The following LPIN1 variants were observed in gnomAD, a reference collection of about 807,000 sequenced individuals.
LPIN1 encodes phosphatidate phosphatase LPIN1.
LPIN1 carries 71 observed loss-of-function variants against 107.5 expected under a neutral mutation model. The observed-to-expected ratio is 0.66, with a 90% confidence interval of 0.55 to 0.80. The LOEUF is 0.80. Among genes scored for constraint, LPIN1 ranks in the 30% least tolerant of loss-of-function variants. LPIN1 has a pLI of 0.00. For missense variants in LPIN1, 1,043 were observed against 1,160.6 expected, an observed-to-expected ratio of 0.90 and a Z score of 1.47; for synonymous variants, 445 against 452.6, an observed-to-expected ratio of 0.98 and a Z score of 0.21.
rs931029815 is a variant in LPIN1, at chr2:11,697,648, C to T, written c.82-16108C>T. On this transcript the variant is annotated intron_variant, in intron 1 of 21. Transcript: ENST00000449576. The surrounding 1 kb of genome is among the most constrained non-coding windows in gnomAD (Gnocchi z 4.6). ...CAGGGAAAGGACGCCCATTCATTGG[C>T]AGGGTGAGTGGAGAAGTGCTTGGTG... Among the ~76,000 whole-genome samples, 1 of 152,220 alleles carries T rather than the reference C, an allele frequency of 6.6e-6. No individual in the cohort carries two copies. Among genetic ancestry groups the T allele is most frequent in the Admixed American group, 6.5e-5 (1 of 15,284 alleles).
chr2:11,754,527 TGA>T (rs1668367873), intron 1 of LPIN1, among the ~76,000 whole-genome samples: 1 of 152,246 alleles, frequency 6.6e-6, no homozygotes. Flanking sequence ...CTTTACCTTC[TGA>T]GAGGCTCTGT....
At chr2:11,718,229 GAT>G (rs925518497) in intron 2 of LPIN1, among the ~76,000 whole-genome samples, 1 of 151,010 alleles carries the variant, frequency 6.6e-6, no homozygotes, top group Non-Finnish European at 1.5e-5. Flanking sequence ...AGGGGGTCAG[GAT>G]ATATATATAT....
chr2:11,812,978 C>T (rs750599992), intron 17 of LPIN1, among the ~76,000 whole-genome samples: 1 of 152,056 alleles, frequency 6.6e-6, no homozygotes, highest in Non-Finnish European at 1.5e-5. Flanking sequence ...TAGACACCAA[C>T]GGGGCCCCTG....
chr2:11,716,546 G>T (rs1663753979), intron 2 of LPIN1, among the ~76,000 whole-genome samples: 1 of 151,972 alleles, frequency 6.6e-6, no homozygotes, highest in East Asian at 1.9e-4. Context: ...AGTGTGTCAT[G>T]GTTAGTCTTT....
intron 17 of LPIN1, among the ~76,000 whole-genome samples, chr2:11,807,579 TAAAG>T (rs1357851790): frequency 6.6e-6 from 1 of 151,260 alleles, no homozygotes; most frequent in Non-Finnish European, 1.5e-5. Context: ...TCTTGAAAAA[TAAAG>T]CTGTGTGGCT....
intron 1 of LPIN1, among the ~76,000 whole-genome samples, chr2:11,680,887 T>C (rs1661678349): frequency 6.6e-6 from 1 of 152,232 alleles, no homozygotes; most frequent in South Asian, 2.1e-4. Flanking sequence ...AGGCCTGGAC[T>C]CACACCCTAG....
rs1262529645 is a variant in LPIN1 at position 11,826,333 on chromosome 2, G to T, written c.*1542G>T. ...ATGCCTTTGCCAAATGGTTCATGTG[G>T]ACACACAAAGGCAAACAGATCTGCC... On this transcript the variant is annotated 3_prime_UTR_variant, in exon 21 of 21. Coordinates refer to ENST00000674199, the MANE Select transcript of LPIN1 (RefSeq NM_001349206.2). The T allele has an allele frequency of 6.6e-6, 1 of 152,510 alleles. No individual in the cohort carries two copies. The highest frequency in any genetic ancestry group is 1.5e-5 in the Non-Finnish European group (1 of 68,014). The allele number at this position is 152,510 out of a possible 1,614,324, so 9.4% of individuals were successfully genotyped here.
chr2:11,788,289 T>G, intron 11 of LPIN1, 98 bp from the exon 12 acceptor site: 2 of 888,410 alleles, frequency 2.3e-6, no homozygotes, highest in Non-Finnish European at 3.8e-6. Flanking sequence ...AGGGCCTCGC[T>G]GGAGTCCCGA....
intron 1 of LPIN1, among the ~76,000 whole-genome samples, chr2:11,735,706 C>G (rs1353966689): frequency 6.6e-6 from 1 of 152,222 alleles, no homozygotes; most frequent in East Asian, 1.9e-4. Flanking sequence ...TTGTGTTAGG[C>G]TCTAGGCAAC....
At chr2:11,753,594 G>C (rs1668197149) in intron 1 of LPIN1, among the ~76,000 whole-genome samples, 1 of 152,234 alleles carries the variant, frequency 6.6e-6, no homozygotes, top group Non-Finnish European at 1.5e-5. Flanking sequence ...CTGCTGCCCA[G>C]GTGGCCTGAC....
intron 12 of LPIN1, among the ~76,000 whole-genome samples, chr2:11,789,404 TG>T (rs1164667954): frequency 6.6e-6 from 1 of 152,106 alleles, no homozygotes; most frequent in African/African-American, 2.4e-5. Flanking sequence ...TGTGCATGCT[TG>T]TGCAGGTGTG....
intron 16 of LPIN1, among the ~76,000 whole-genome samples, chr2:11,804,858 A>T (rs2148702643): frequency 6.6e-6 from 1 of 152,086 alleles, no homozygotes; most frequent in East Asian, 1.9e-4. Context: ...CAAGCCGGTC[A>T]CCTCGATGCA....
At chr2:11,779,745 G>A in intron 7 of LPIN1, 100 bp downstream of exon 7, 1 of 1,524,934 alleles carries the variant, frequency 6.6e-7, no homozygotes, top group South Asian at 1.1e-5. Context: ...ACAGCTACCA[G>A]GAGCCAGAGG....
intron 1 of LPIN1, among the ~76,000 whole-genome samples, chr2:11,748,261 A>G (rs1258159760): frequency 6.6e-6 from 1 of 152,250 alleles, no homozygotes; most frequent in Non-Finnish European, 1.5e-5. Flanking sequence ...CAAAGGGCCC[A>G]GAACAGACGG....
At chr2:11,798,461 C>T (rs191078026) in intron 14 of LPIN1, among the ~76,000 whole-genome samples, 1 of 152,288 alleles carries the variant, frequency 6.6e-6, no homozygotes, top group East Asian at 1.9e-4. Context: ...CGAGATACTT[C>T]TGCAGCTCTT....
intron 3 of LPIN1, among the ~76,000 whole-genome samples, chr2:11,768,090 T>TC (rs1315126656): frequency 6.6e-6 from 1 of 152,098 alleles, no homozygotes. Flanking sequence ...GCTGACTGCT[T>TC]CCCAGGAGAC....
rs1163654140 is a variant in LPIN1 at position 11,815,109 on chromosome 2, C to T, written c.2271C>T (p.Tyr757=). ...KVSQNGYKFL[Y]CSARAIGMAD... is the part of the protein sequence containing the mutation. ...TCAGGAATGGATATAAATTTCTCTACTGTTCTGCCCGTGCCATCGGGATGG... is the reference window on the plus strand; with the variant it reads ...TCAGGAATGGATATAAATTTCTCTATTGTTCTGCCCGTGCCATCGGGATGG... Residue 757 remains tyrosine (Y), a synonymous_variant, in exon 18 of 21, where the codon TAC becomes TAT. Coordinates refer to ENST00000674199, the MANE Select transcript of LPIN1 (RefSeq NM_001349206.2). 6.2e-7 allele frequency: 1 copy of T among 1,614,198 alleles called. No individual in the cohort carries two copies. Among genetic ancestry groups the T allele is most frequent in the Admixed American group, 1.7e-5 (1 of 60,028 alleles).
intron 14 of LPIN1, among the ~76,000 whole-genome samples, chr2:11,800,661 T>G (rs2577261): frequency 0.92 from 139,760 of 152,234 alleles, 64,206 homozygotes; most frequent in South Asian, 0.96. Flanking sequence ...GTCAGAAAGC[T>G]GTAGGTTGCA....
At chr2:11,797,535 G>T (rs1276045855) in intron 14 of LPIN1, among the ~76,000 whole-genome samples, 1 of 152,256 alleles carries the variant, frequency 6.6e-6, no homozygotes, top group Non-Finnish European at 1.5e-5. Flanking sequence ...TGACCTGGAT[G>T]TGAGACATGG....
Sources: gnomAD v4.1 joint callset for allele counts (sites outside exome capture counted in the v4.1 genomes callset) on GRCh38, gnomAD v4.1.1 for gene constraint, Gnocchi (gnomAD v3.1) non-coding constraint, MANE v1.5 for transcripts, NCBI Gene and HGNC (gene_info 2026-07-23, HGNC 2026-07-21) for gene names.